RALGAPA2: variants seen among roughly 807,000 people sequenced by gnomAD.
RALGAPA2 encodes ral GTPase-activating protein subunit alpha-2.
In RALGAPA2, 139 loss-of-function variants were observed where a neutral mutation model predicts 230.4. The observed-to-expected ratio is 0.60, with a 90% CI of 0.53 to 0.69. RALGAPA2 has a LOEUF of 0.69. Ranked by LOEUF, RALGAPA2 falls within the 30% of genes least tolerant of loss-of-function variation. The probability of loss-of-function intolerance (pLI) is 0.00; values close to 1 mark genes in which losing one functional copy is unlikely to be tolerated. For missense variants in RALGAPA2, 2,163 were observed against 2,276.0 expected (o/e 0.95, Z 1.01); for synonymous variants, 847 against 837.8 (o/e 1.01, Z -0.19).
At position 20,571,488 on chromosome 20, in the gene RALGAPA2, C is replaced by T. The variant is rs770022829; in HGVS notation, c.3126G>A (p.Val1042=). The change falls in exon 23 of 40, where the codon GTG becomes GTA. Residue 1042 remains valine (V), a synonymous_variant. Transcript: ENST00000202677. ...NSDFLVHFYL[V]MHLGLTSEDQ... ...CCTCGCTGGTTAATCCCAGGTGCATCACAAGGTAAAAATGCACCAGGAAAT... is the reference window on the plus strand; with the variant it reads ...CCTCGCTGGTTAATCCCAGGTGCATTACAAGGTAAAAATGCACCAGGAAAT... The T allele has an allele frequency of 2.5e-6, 4 of 1,612,664 alleles. No individual in the cohort carries two copies. The East Asian group carries it at 8.9e-5, about 36-fold the overall frequency.
chr20:20,685,584 T>C (rs1035937094), intron 1 of RALGAPA2, among the ~76,000 whole-genome samples: 1 of 152,180 alleles, frequency 6.6e-6, no homozygotes, highest in African/African-American at 2.4e-5. Flanking sequence ...GCTCTGGTCC[T>C]GCGACTCCAT....
chr20:20,523,398 GA>G (rs1323182682), intron 30 of RALGAPA2, among the ~76,000 whole-genome samples: 1 of 152,152 alleles, frequency 6.6e-6, no homozygotes, highest in Non-Finnish European at 1.5e-5. Flanking sequence ...TATTTCTTAA[GA>G]TTTTTTTGAG....
At chr20:20,466,942 T>A (rs984764972) in intron 37 of RALGAPA2, among the ~76,000 whole-genome samples, 12 of 152,236 alleles carry the variant, frequency 7.9e-5, no homozygotes, top group Non-Finnish European at 1.8e-4. Context: ...TGTGTGACTT[T>A]GCATCGTGTC....
rs1407965745 is a variant in RALGAPA2, at chr20:20,409,396, A to C, written c.5617+2631T>G. On this transcript the variant is annotated intron_variant, in intron 38 of 39. Coordinates refer to ENST00000202677, the MANE Select transcript of RALGAPA2 (RefSeq NM_020343.4). ...ATAAAGTCCTGGTGGTGAGGATACA[A>C]AGAAAACCTAGGAGCCCCTAATTCC... Among the ~76,000 whole-genome samples, 3 of 152,170 alleles carry C rather than the reference A, an allele frequency of 2.0e-5. No homozygotes were observed. In the East Asian group the frequency reaches 5.8e-4, roughly 29 times the overall value.
rs748398912 is a variant in RALGAPA2, at chr20:20,620,594, T to C, written c.1270A>G (p.Arg424Gly). The change falls in exon 11 of 40, where the codon AGA becomes GGA. Residue 424 changes from arginine (R) to glycine (G), a missense_variant. Arg to Gly is a moderately radical substitution (Grantham distance 125). Transcript: ENST00000202677. ...LLPSCEIAVTRKVVQVYRKWI... is the reference protein window; with the variant it reads ...LLPSCEIAVTGKVVQVYRKWI... Reference sequence around the variant, plus strand: ...TTTCTGTACACTTGAACTACTTTTCTTGTTACAGCTATCTCACAGGAAGGC... The same window carrying C: ...TTTCTGTACACTTGAACTACTTTTCCTGTTACAGCTATCTCACAGGAAGGC... 19 of 1,612,892 alleles carry C rather than the reference T, an allele frequency of 1.2e-5. No homozygotes were observed. Among genetic ancestry groups the C allele is most frequent in the Non-Finnish European group, 1.6e-5 (19 of 1,179,602 alleles).
intron 24 of RALGAPA2, among the ~76,000 whole-genome samples, chr20:20,542,778 TAAACATA>T: frequency 1.3e-5 from 2 of 152,292 alleles, no homozygotes; most frequent in South Asian, 4.1e-4. Context: ...ATTAAAGATT[TAAACATA>T]AGACCTAAAA....
intron 33 of RALGAPA2, among the ~76,000 whole-genome samples, chr20:20,506,865 A>G (rs1218365529): frequency 6.6e-6 from 1 of 152,210 alleles, no homozygotes; most frequent in East Asian, 1.9e-4. Context: ...AACTGGAGGA[A>G]GAGAGTTCTC....
chr20:20,677,005 A>AC (rs2068349120), intron 2 of RALGAPA2, among the ~76,000 whole-genome samples: 1 of 152,174 alleles, frequency 6.6e-6, no homozygotes, highest in South Asian at 2.1e-4. Flanking sequence ...TAAGCTGTGG[A>AC]CCCCTGATCT....
chr20:20,500,001 T>C (rs1246793631), intron 35 of RALGAPA2, among the ~76,000 whole-genome samples: 1 of 152,228 alleles, frequency 6.6e-6, no homozygotes, highest in Non-Finnish European at 1.5e-5. Flanking sequence ...TTATGTTTAC[T>C]ATAGTCTATT....
chr20:20,394,326 C>G (rs2122595221), intron 39 of RALGAPA2, among the ~76,000 whole-genome samples: 1 of 152,154 alleles, frequency 6.6e-6, no homozygotes, highest in Middle Eastern at 3.4e-3. Context: ...TGGTTGCCTC[C>G]CTTCTTCTAG....
chr20:20,645,024 T>C (rs1261476772), intron 4 of RALGAPA2, among the ~76,000 whole-genome samples: 1 of 151,744 alleles, frequency 6.6e-6, no homozygotes, highest in Non-Finnish European at 1.5e-5. Context: ...TACTTTCTCC[T>C]GGTCATTGTG....
chr20:20,511,436 TCA>T, intron 32 of RALGAPA2, 111 bp from the exon 33 acceptor site: 1 of 1,423,698 alleles, frequency 7.0e-7, no homozygotes, highest in Non-Finnish European at 9.2e-7. Context: ...ACCACCTCAC[TCA>T]CAAAAGATTT....
chr20:20,695,395 T>C (rs2069071867), intron 1 of RALGAPA2, among the ~76,000 whole-genome samples: 1 of 152,294 alleles, frequency 6.6e-6, no homozygotes, highest in Non-Finnish European at 1.5e-5. Flanking sequence ...TAGCACTGAG[T>C]AGGCATGAGC....
At position 20,509,552 on chromosome 20, in the gene RALGAPA2, G is replaced by A. The variant is rs184282994; in HGVS notation, c.4928+1702C>T. Among the ~76,000 whole-genome samples the A allele has an allele frequency of 4.6e-4, 70 of 152,304 alleles. 2 individuals are homozygous for A. Among genetic ancestry groups the A allele is most frequent in the Non-Finnish European group, 1.8e-4 (12 of 68,032 alleles). ...TGTCCCCTTCTGCAGAGGGAATCAG[G>A]TTTGGAACAGCCATCCTGTCACATT... On this transcript the variant is annotated intron_variant, in intron 33 of 39. Coordinates refer to ENST00000202677, the MANE Select transcript of RALGAPA2 (RefSeq NM_020343.4).
intron 34 of RALGAPA2, among the ~76,000 whole-genome samples, chr20:20,503,796 T>C (rs947106770): frequency 4.3e-4 from 65 of 152,238 alleles, no homozygotes; most frequent in African/African-American, 1.4e-3. Flanking sequence ...TATGTGTATA[T>C]ATGCATATAT....
chr20:20,620,157 G>A (rs908611106), intron 11 of RALGAPA2, among the ~76,000 whole-genome samples: 16 of 152,144 alleles, frequency 1.1e-4, no homozygotes, highest in African/African-American at 3.9e-4. Flanking sequence ...GATTTTTTTA[G>A]TCTCACAAAT....
chr20:20,672,093 A>G (rs1009078852), intron 3 of RALGAPA2, among the ~76,000 whole-genome samples: 2 of 152,186 alleles, frequency 1.3e-5, no homozygotes, highest in African/African-American at 4.8e-5. Flanking sequence ...CCCAGTTCCC[A>G]GCTATGGTAA....
chr20:20,549,373 A>G (rs1011019372), intron 23 of RALGAPA2, among the ~76,000 whole-genome samples: 1 of 152,178 alleles, frequency 6.6e-6, no homozygotes, highest in Admixed American at 6.5e-5. Context: ...ACCTCAGCCA[A>G]TCACTTCAAC....
At chr20:20,490,303 T>C (rs1008790988) in intron 36 of RALGAPA2, among the ~76,000 whole-genome samples, 6 of 152,196 alleles carry the variant, frequency 3.9e-5, no homozygotes, top group Non-Finnish European at 7.3e-5. Context: ...CATCTGCAAA[T>C]GACAGATGCC....
Sources: gnomAD v4.1 joint callset for allele counts (sites outside exome capture counted in the v4.1 genomes callset) on GRCh38, gnomAD v4.1.1 for gene constraint, MANE v1.5 for transcripts, NCBI Gene and HGNC (gene_info 2026-07-23, HGNC 2026-07-21) for gene names.